The following MAP2K1 variants were observed in gnomAD, a reference collection of about 807,000 sequenced individuals.
The protein encoded by MAP2K1 is mitogen-activated protein kinase kinase 1.
A neutral mutation model predicts 46.3 loss-of-function variants in MAP2K1; 16 were observed. That is an observed-to-expected ratio of 0.35 (90% CI 0.23 to 0.52). The LOEUF (loss-of-function observed/expected upper bound fraction) is 0.52, where lower values mean the gene tolerates loss of function less well. Among genes scored for constraint, MAP2K1 ranks in the 20% least tolerant of loss-of-function variants. The probability of loss-of-function intolerance (pLI) is 0.94; values close to 1 mark genes in which losing one functional copy is unlikely to be tolerated. For missense variants in MAP2K1, 263 were observed against 497.1 expected, an observed-to-expected ratio of 0.53 and a Z score of 4.48; for synonymous variants, 183 against 185.6, an observed-to-expected ratio of 0.99 and a Z score of 0.11.
At chr15:66,392,254 G>GTTTTTTTTTTTT (rs374203054) in intron 1 of MAP2K1, among the ~76,000 whole-genome samples, 103 of 79,638 alleles carry the variant, frequency 1.3e-3, no homozygotes, top group African/African-American at 4.3e-3. Context: ...GTTTTTTTTG[G>GTTTTTTTTTTTT]GTTTTTTTTT....
chr15:66,402,024 A>G, intron 1 of MAP2K1: 14 of 1,324,310 alleles, frequency 1.1e-5, no homozygotes, highest in Admixed American at 2.2e-5. Flanking sequence ...CTTTCTGATC[A>G]TTTTAAAGTA....
chr15:66,447,873 G>A (rs758564371), intron 5 of MAP2K1, among the ~76,000 whole-genome samples: 14 of 151,654 alleles, frequency 9.2e-5, no homozygotes, highest in African/African-American at 2.7e-4. Context: ...AACTCTCACC[G>A]GGCGTGGTGG....
rs1051737489 is a variant in MAP2K1, at chr15:66,443,501, G to T, written c.516+144G>T. 6 of 674,390 alleles carry T rather than the reference G, an allele frequency of 8.9e-6. No individual in the cohort carries two copies. The Admixed American group carries it at 1.0e-4, about 12-fold the overall frequency. The allele number at this position is 674,390 out of a possible 1,614,324, so 41.8% of individuals were successfully genotyped here. A position where few individuals can be genotyped will look rare whatever the true frequency, so the allele number is the denominator to read the frequency against. On this transcript the variant is annotated intron_variant, in intron 4 of 10. Transcript: ENST00000307102. The stretch of plus-strand genomic sequence containing the variant: ...GTATTTTCTCACTAGACTCTTCCCT[G>T]TCTGGAGTCTATATACACTATTCTC...
At chr15:66,452,815 T>C (rs2140619000) in intron 5 of MAP2K1, among the ~76,000 whole-genome samples, 1 of 152,364 alleles carries the variant, frequency 6.6e-6, no homozygotes, top group Non-Finnish European at 1.5e-5. Context: ...ATAAGGAAAC[T>C]AAAAACCAGC....
intron 5 of MAP2K1, among the ~76,000 whole-genome samples, chr15:66,460,059 A>T (rs1263399831): frequency 1.3e-5 from 2 of 152,178 alleles, no homozygotes; most frequent in African/African-American, 4.8e-5. Flanking sequence ...CATGGTATAT[A>T]CACAAGGTGC....
chr15:66,408,704 A>G (rs1048891336), intron 1 of MAP2K1, among the ~76,000 whole-genome samples: 14 of 152,080 alleles, frequency 9.2e-5, no homozygotes, highest in African/African-American at 3.1e-4. Context: ...CATCTTCCTC[A>G]GTGGGTCCTG....
chr15:66,422,917 A>G (rs1266838197), intron 1 of MAP2K1, among the ~76,000 whole-genome samples: 1 of 150,516 alleles, frequency 6.6e-6, no homozygotes, highest in East Asian at 2.0e-4. Flanking sequence ...GATTTCTTTT[A>G]TTCTTTTTTT....
At chr15:66,485,274 C>CT in intron 7 of MAP2K1, 83 bp downstream of exon 7, 1 of 1,275,108 alleles carries the variant, frequency 7.8e-7, no homozygotes, top group South Asian at 1.4e-5. Context: ...GGCTGATTCT[C>CT]TGTACATTCT....
chr15:66,475,621 A>G (rs902424029), intron 5 of MAP2K1, among the ~76,000 whole-genome samples: 3 of 152,238 alleles, frequency 2.0e-5, no homozygotes, highest in Admixed American at 1.3e-4. Context: ...ATTAGGATAT[A>G]GTGGAAACAC....
At chr15:66,480,075 TTTTA>T (rs1353626155) in intron 5 of MAP2K1, among the ~76,000 whole-genome samples, 2 of 151,774 alleles carry the variant, frequency 1.3e-5, no homozygotes, top group South Asian at 2.1e-4. Context: ...AATTTTTTAT[TTTTA>T]TTTATTTATT....
chr15:66,423,059 C>T (rs976814970), intron 1 of MAP2K1, among the ~76,000 whole-genome samples: 2 of 152,010 alleles, frequency 1.3e-5, no homozygotes, highest in Non-Finnish European at 2.9e-5. Context: ...CCTTGGCCTC[C>T]CAAAATATTG....
chr15:66,400,243 C>G (rs2093378182), intron 1 of MAP2K1, among the ~76,000 whole-genome samples: 1 of 152,124 alleles, frequency 6.6e-6, no homozygotes, highest in African/African-American at 2.4e-5. Flanking sequence ...AGGCTGGTCT[C>G]AAACTCTTTG....
intron 5 of MAP2K1, among the ~76,000 whole-genome samples, chr15:66,467,064 GTC>G (rs1892485976): frequency 6.6e-6 from 1 of 152,056 alleles, no homozygotes; most frequent in Non-Finnish European, 1.5e-5. Flanking sequence ...GTGAAAGCCT[GTC>G]TCTACAAAAA....
chr15:66,477,056 A>C (rs1310697628), intron 5 of MAP2K1, among the ~76,000 whole-genome samples: 1 of 152,160 alleles, frequency 6.6e-6, no homozygotes, highest in Non-Finnish European at 1.5e-5. Flanking sequence ...TCTGGCTCCC[A>C]GGACCAATGT....
chr15:66,400,613 G>C (rs890196154), intron 1 of MAP2K1, among the ~76,000 whole-genome samples: 4 of 152,132 alleles, frequency 2.6e-5, no homozygotes, highest in African/African-American at 9.7e-5. Flanking sequence ...TTCATGTCCT[G>C]TGCCCTTGTT....
In MAP2K1 at chr15:66,387,239, C is replaced by G; in HGVS notation, c.-109C>G. Reference sequence around the variant, plus strand: ...GCACCCGCTGAAGGCAGCCCCGGGGCCCGCGGCCCGGACTTGGTCCTGCGC... The same window carrying G: ...GCACCCGCTGAAGGCAGCCCCGGGGGCCGCGGCCCGGACTTGGTCCTGCGC... On this transcript the variant is annotated 5_prime_UTR_variant, in exon 1 of 11. Coordinates refer to ENST00000307102, the MANE Select transcript of MAP2K1 (RefSeq NM_002755.4). 1.1e-6 allele frequency: 1 copy of G among 893,278 alleles called. No homozygotes were observed. The highest frequency in any genetic ancestry group is 1.7e-6 in the Non-Finnish European group (1 of 593,632). The allele number at this position is 893,278 out of a possible 1,614,324, so 55.3% of individuals were successfully genotyped here.
chr15:66,408,410 C>T (rs568745029), intron 1 of MAP2K1, among the ~76,000 whole-genome samples: 2 of 152,330 alleles, frequency 1.3e-5, no homozygotes, highest in East Asian at 3.9e-4. Flanking sequence ...AACTGCCACA[C>T]AGTACATCCC....
In MAP2K1 at chr15:66,432,484, A is replaced by G. The variant is rs149865241; in HGVS notation, c.81-2543A>G. Among the ~76,000 whole-genome samples, 78 of 152,378 alleles carry G rather than the reference A, an allele frequency of 5.1e-4. 1 individual carries two copies. The South Asian group carries it at 0.013, about 25-fold the overall frequency. ...TCCTTTGCAAATTGATTGAATTTCT[A>G]TGGCGAGTATTAGCTGCAAGGCAGT... On this transcript the variant is annotated intron_variant, in intron 1 of 10. Coordinates refer to ENST00000307102, the MANE Select transcript of MAP2K1 (RefSeq NM_002755.4).
chr15:66,425,673 A>G (rs1169006974), intron 1 of MAP2K1, among the ~76,000 whole-genome samples: 1 of 152,210 alleles, frequency 6.6e-6, no homozygotes, highest in East Asian at 1.9e-4. Context: ...AGGTACAACT[A>G]CAAGGGTATC....
Sources: gnomAD v4.1 joint callset for allele counts (sites outside exome capture counted in the v4.1 genomes callset) on GRCh38, gnomAD v4.1.1 for gene constraint, MANE v1.5 for transcripts, NCBI Gene and HGNC (gene_info 2026-07-23, HGNC 2026-07-21) for gene names.